ZNF76: variants seen among roughly 807,000 people sequenced by gnomAD.
ZNF76 encodes the protein zinc finger protein 76, also known as zinc finger protein 523.
A neutral mutation model predicts 66.9 loss-of-function variants in ZNF76; 66 were observed. That is an observed-to-expected ratio of 0.99 (90% CI 0.81 to 1.21). The LOEUF (loss-of-function observed/expected upper bound fraction) is 1.21, where lower values mean the gene tolerates loss of function less well. Ranked by LOEUF, ZNF76 falls within the 50% of genes most tolerant of loss-of-function variation. The pLI is 0.00. For synonymous variants in ZNF76, 275 were observed against 296.1 expected, an observed-to-expected ratio of 0.93 and a Z score of 0.73; for missense variants, 729 against 760.3, an observed-to-expected ratio of 0.96 and a Z score of 0.48.
intron 2 of ZNF76, among the ~76,000 whole-genome samples, chr6:35,285,216 T>C (rs952570889): frequency 6.6e-6 from 1 of 152,204 alleles, no homozygotes; most frequent in African/African-American, 2.4e-5. Flanking sequence ...TTGTGTTGCC[T>C]TAGGTGATCT....
intron 12 of ZNF76, chr6:35,294,189 T>C (rs1187412779): frequency 8.6e-6 from 5 of 583,234 alleles, no homozygotes; most frequent in Non-Finnish European, 1.2e-5. Flanking sequence ...CTGTCCATTT[T>C]CAAGTGAGGG....
At chr6:35,280,488 T>C (rs898059949) in intron 1 of ZNF76, among the ~76,000 whole-genome samples, 9 of 151,126 alleles carry the variant, frequency 6.0e-5, no homozygotes, top group African/African-American at 2.0e-4. Context: ...ACCTGGACTT[T>C]TAAGGGAAAA....
chr6:35,288,361 A>C (rs1789895808), intron 5 of ZNF76: 1 of 354,852 alleles, frequency 2.8e-6, no homozygotes, highest in Non-Finnish European at 5.6e-6. Flanking sequence ...TATGAGGCCC[A>C]CACAGTAGCT....
intron 1 of ZNF76, among the ~76,000 whole-genome samples, chr6:35,277,956 T>C (rs1684230505): frequency 6.6e-6 from 1 of 151,988 alleles, no homozygotes; most frequent in South Asian, 2.1e-4. Context: ...GCCTCCCAGG[T>C]TTATGCCATT....
In ZNF76 at chr6:35,293,741, C is replaced by T; in HGVS notation, c.1330-10C>T. On this transcript the variant is annotated splice_polypyrimidine_tract_variant and intron_variant, in intron 11 of 13. Coordinates refer to ENST00000373953, the MANE Select transcript of ZNF76 (RefSeq NM_003427.5). ...GACACTGCCAGCTCATCTTCCCCTC[C>T]TGTTGGCAGGTCAGCCTGTCCCCGG... The T allele has an allele frequency of 1.9e-6, 3 of 1,613,052 alleles. No homozygotes were observed. Among genetic ancestry groups the T allele is most frequent in the Middle Eastern group, 1.7e-4 (1 of 6,054 alleles).
At chr6:35,286,423 CG>C in intron 4 of ZNF76, 24 bp downstream of exon 4, 1 of 1,609,282 alleles carries the variant, frequency 6.2e-7, no homozygotes, top group Non-Finnish European at 8.5e-7. Context: ...CATCACAACT[CG>C]GGGAAGGATG....
At chr6:35,273,761 G>A (rs1235045107) in intron 1 of ZNF76, among the ~76,000 whole-genome samples, 1 of 147,966 alleles carries the variant, frequency 6.8e-6, no homozygotes, top group East Asian at 2.0e-4. Flanking sequence ...TCACTATGTT[G>A]CCCAGGCTGG....
chr6:35,290,205 C>T, intron 5 of ZNF76, 61 bp from the exon 6 acceptor site: 1 of 1,598,024 alleles, frequency 6.3e-7, no homozygotes, highest in Non-Finnish European at 8.5e-7. Context: ...CAGCAGGGCC[C>T]TGTGTCCCAC....
chr6:35,271,710 C>T (rs982682192), intron 1 of ZNF76, among the ~76,000 whole-genome samples: 1 of 151,332 alleles, frequency 6.6e-6, no homozygotes, highest in Non-Finnish European at 1.5e-5. Flanking sequence ...ATAGCAGATT[C>T]CCTGAAGATC....
rs972486478 is a variant in ZNF76, at chr6:35,287,018, G to A, written c.232+619G>A. 1.3e-5 allele frequency among the ~76,000 whole-genome samples: 2 copies of A among 152,142 alleles called. No individual in the cohort carries two copies. Among genetic ancestry groups the A allele is most frequent in the Non-Finnish European group, 2.9e-5 (2 of 68,038 alleles). On this transcript the variant is annotated intron_variant, in intron 4 of 13. Transcript: ENST00000373953. The surrounding 1 kb of genome is among the most constrained non-coding windows in gnomAD (Gnocchi z 4.0). ...AAAGAATGAGGTAGACTTAGCTGGG[G>A]GAAGAGGGATGGCAGGGAGGGTTCA...
At position 35,287,783 on chromosome 6, in the gene ZNF76, G is replaced by A. The variant is rs773733513; in HGVS notation, c.370G>A (p.Ala124Thr). ...QTEVGLEDLA[A>T]EDDEGFSADA... ...AGAGGTGGGCTTGGAGGACCTGGCA[G>A]CAGAGGATGATGAGGGCTTCAGTGC... The change falls in exon 5 of 14, where the codon GCA (alanine) becomes ACA (threonine). Residue 124 changes from alanine (A) to threonine (T), a missense_variant. By Grantham distance (58) the Ala-to-Thr change is moderately conservative. Transcript: ENST00000373953. This position sits in a 1 kb window ranked among gnomAD's most constrained non-coding sequence, Gnocchi z 4.0. 4.3e-6 allele frequency: 7 copies of A among 1,613,600 alleles called. No individual in the cohort carries two copies. In the African/African-American group the frequency reaches 5.3e-5, roughly 12 times the overall value.
At chr6:35,294,194 T>G in intron 12 of ZNF76, 1 of 581,882 alleles carries the variant, frequency 1.7e-6, no homozygotes, top group Non-Finnish European at 3.0e-6. Flanking sequence ...CATTTTCAAG[T>G]GAGGGGATTA....
chr6:35,280,517 C>T (rs77101185), intron 1 of ZNF76, among the ~76,000 whole-genome samples: 3 of 6,986 alleles, frequency 4.3e-4, no homozygotes, highest in Non-Finnish European at 5.3e-4. Flanking sequence ...CAAGCATGAT[C>T]CCCCCCCCCC....
At position 35,293,832 on chromosome 6, in the gene ZNF76, AT is replaced by A; in HGVS notation, c.1412del (p.Ile471ThrfsTer44). On this transcript the variant is annotated frameshift_variant, in exon 12 of 14. Coordinates refer to ENST00000373953, the MANE Select transcript of ZNF76 (RefSeq NM_003427.5). LOFTEE classifies it high-confidence loss of function. ...CCAGCACGGCAGCACCACCCTCACC[AT>A]CCCCAGTCCTGATGCCGACCTGGCC... ...VTQHGSTTLTIPSPDADLATS... is the reference protein window; with the variant it reads ...VTQHGSTTLTXPSPDADLATS... 1 of 1,614,008 alleles carries A rather than the reference AT, an allele frequency of 6.2e-7. No individual in the cohort carries two copies. The highest frequency in any genetic ancestry group is 8.5e-7 in the Non-Finnish European group (1 of 1,180,000).
intron 13 of ZNF76, 102 bp from the exon 14 acceptor site, chr6:35,295,042 T>A: frequency 1.2e-6 from 1 of 810,426 alleles, no homozygotes; most frequent in Non-Finnish European, 2.0e-6. Flanking sequence ...ACTGGGTAGA[T>A]GGGGGAGAGT....
intron 5 of ZNF76, chr6:35,288,084 C>A: frequency 1.5e-6 from 1 of 683,900 alleles, no homozygotes; most frequent in South Asian, 1.5e-5. Flanking sequence ...TGTTTACGCT[C>A]ACTTTTGTTT....
intron 1 of ZNF76, among the ~76,000 whole-genome samples, chr6:35,273,149 C>G (rs977673724): frequency 2.7e-5 from 4 of 149,902 alleles, no homozygotes; most frequent in Non-Finnish European, 5.9e-5. Flanking sequence ...GAGTGAGACT[C>G]TGTCTCAGAA....
chr6:35,294,717 A>G (rs1052007379), intron 13 of ZNF76, 148 bp downstream of exon 13: 1 of 706,014 alleles, frequency 1.4e-6, no homozygotes, highest in South Asian at 1.5e-5. Flanking sequence ...TCCTGCATCC[A>G]TGCATCTGTC....
chr6:35,288,111 G>A (rs1276992599), intron 5 of ZNF76: 2 of 648,386 alleles, frequency 3.1e-6, no homozygotes, highest in Admixed American at 2.1e-5. Context: ...TCTTTGCAGA[G>A]GGAAAGCTGC....
Sources: gnomAD v4.1 joint callset for allele counts (sites outside exome capture counted in the v4.1 genomes callset) on GRCh38, gnomAD v4.1.1 for gene constraint, Gnocchi (gnomAD v3.1) non-coding constraint, MANE v1.5 for transcripts, NCBI Gene and HGNC (gene_info 2026-07-23, HGNC 2026-07-21) for gene names.